Variants in RIOK1 observed in about 807,000 individuals in gnomAD.
The protein encoded by RIOK1 is serine/threonine-protein kinase RIO1.
Under a neutral mutation model 73.5 loss-of-function variants are expected in RIOK1, and 66 were observed. That is an observed-to-expected ratio of 0.90 (90% CI 0.74 to 1.10). The LOEUF (loss-of-function observed/expected upper bound fraction) is 1.10, where lower values mean the gene tolerates loss of function less well. RIOK1 is among the 50% of genes least tolerant of loss of function. The probability of loss-of-function intolerance (pLI) is 0.00; values close to 1 mark genes in which losing one functional copy is unlikely to be tolerated. For synonymous variants in RIOK1, 224 were observed against 226.8 expected (o/e 0.99, Z 0.11); for missense variants, 658 against 699.8 (o/e 0.94, Z 0.67).
chr6:7,400,401 C>G (rs1761581070), intron 5 of RIOK1, among the ~76,000 whole-genome samples: 2 of 152,144 alleles, frequency 1.3e-5, no homozygotes, highest in South Asian at 4.1e-4. Flanking sequence ...AGCTGCCTGT[C>G]CACGACGGTA....
chr6:7,412,588 G>C (rs761041766), intron 14 of RIOK1, among the ~76,000 whole-genome samples: 2 of 151,276 alleles, frequency 1.3e-5, no homozygotes, highest in Non-Finnish European at 2.9e-5. Flanking sequence ...GGTGGTGGAG[G>C]TTGCAGTGAG....
In RIOK1 at chr6:7,389,917, A is replaced by C; in HGVS notation, c.-86A>C. 1.9e-6 allele frequency: 2 copies of C among 1,055,956 alleles called. No homozygotes were observed. Among genetic ancestry groups the C allele is most frequent in the Non-Finnish European group, 1.4e-6 (1 of 724,392 alleles). 65.4% of individuals were successfully genotyped at this position (1,055,956 alleles called of 1,614,324 possible). A position where few individuals can be genotyped will look rare whatever the true frequency, so the allele number is the denominator to read the frequency against. On this transcript the variant is annotated 5_prime_UTR_variant, in exon 1 of 17. Transcript: ENST00000379834. ...GGTTTGCAAGGCGGATATCCACGCC[A>C]AGGCCTTTGGATCGGCCGTGGGTAC...
In RIOK1 at chr6:7,389,915, C is replaced by A; in HGVS notation, c.-88C>A. 9.6e-7 allele frequency: 1 copy of A among 1,046,580 alleles called. No homozygotes were observed. Among genetic ancestry groups the A allele is most frequent in the Non-Finnish European group, 1.4e-6 (1 of 716,904 alleles). The allele number at this position is 1,046,580 out of a possible 1,614,324, so 64.8% of individuals were successfully genotyped here. A position where few individuals can be genotyped will look rare whatever the true frequency, so the allele number is the denominator to read the frequency against. Reference sequence around the variant, plus strand: ...ATGGTTTGCAAGGCGGATATCCACGCCAAGGCCTTTGGATCGGCCGTGGGT... The same window carrying A: ...ATGGTTTGCAAGGCGGATATCCACGACAAGGCCTTTGGATCGGCCGTGGGT... On this transcript the variant is annotated 5_prime_UTR_variant, in exon 1 of 17. Transcript: ENST00000379834.
Position 7,402,605 on chromosome 6 carries a change from T to G in RIOK1, c.576T>G (p.Ala192=). The G allele has an allele frequency of 6.3e-7, 1 of 1,584,156 alleles. No individual in the cohort carries two copies. The highest frequency in any genetic ancestry group is 8.6e-7 in the Non-Finnish European group (1 of 1,169,232). Residue 192 remains alanine (A), a splice_region_variant and synonymous_variant, in exon 7 of 17, where the codon GCT becomes GCG. Coordinates refer to ENST00000379834, the MANE Select transcript of RIOK1 (RefSeq NM_031480.3). The part of the protein sequence containing the change: ...INGCISTGKE[A]NVYHASTANG... ...CTTTTTTTTTTGACTTAATATAGGC[T>G]AATGTATACCATGCTAGCACAGCAA...
Position 7,389,952 on chromosome 6 carries a change from AG to A in RIOK1, c.-50del. The A allele has an allele frequency of 6.9e-7, 1 of 1,453,598 alleles. No individual in the cohort carries two copies. The highest frequency in any genetic ancestry group is 1.2e-5 in the South Asian group (1 of 81,490). 90.0% of individuals were successfully genotyped at this position (1,453,598 alleles called of 1,614,324 possible). A position where few individuals can be genotyped will look rare whatever the true frequency, so the allele number is the denominator to read the frequency against. On this transcript the variant is annotated 5_prime_UTR_variant, in exon 1 of 17. Transcript: ENST00000379834. ...GATCGGCCGTGGGTACATCCGTCTG[AG>A]CCGTTCCTTTCCATCGCAGAGCGGC...
In RIOK1 at chr6:7,398,736, A is replaced by G. The variant is rs767861874; in HGVS notation, c.476A>G (p.Glu159Gly). 1.9e-6 allele frequency: 3 copies of G among 1,610,790 alleles called. No individual in the cohort carries two copies. The highest frequency in any genetic ancestry group is 2.5e-6 in the Non-Finnish European group (3 of 1,177,628). ...IKDKADRATV[E>G]QVLDPRTRMI... ...GATAAGGCAGACAGAGCAACTGTAG[A>G]ACAGGTACAATTTAAATGTGTTGCA... is the stretch of plus-strand genomic sequence containing the variant. Residue 159 changes from glutamate (E) to glycine (G), a missense_variant, in exon 5 of 17, where the codon GAA becomes GGA. By Grantham distance (98) the Glu-to-Gly change is moderately conservative (BLOSUM62 -2). Coordinates refer to ENST00000379834, the MANE Select transcript of RIOK1 (RefSeq NM_031480.3).
chr6:7,405,474 C>T (rs1008164582), intron 12 of RIOK1, 119 bp downstream of exon 12: 5 of 610,888 alleles, frequency 8.2e-6, no homozygotes, highest in Admixed American at 6.2e-5. Flanking sequence ...TTTGAAATAT[C>T]TGCCTTGTAC....
chr6:7,393,662 G>GT (rs1438972229), intron 2 of RIOK1, among the ~76,000 whole-genome samples: 23 of 152,320 alleles, frequency 1.5e-4, no homozygotes, highest in African/African-American at 4.3e-4. Context: ...TAGAGATGCC[G>GT]TTTTTTCACC....
At chr6:7,390,852 TTGG>T (rs1471345584) in intron 1 of RIOK1, among the ~76,000 whole-genome samples, 5 of 152,356 alleles carry the variant, frequency 3.3e-5, no homozygotes, top group Non-Finnish European at 7.3e-5. Context: ...CATTATTTGC[TTGG>T]TGATTTAAAG....
chr6:7,416,473 C>G (rs62386199), intron 16 of RIOK1, among the ~76,000 whole-genome samples: 1 of 152,016 alleles, frequency 6.6e-6, no homozygotes, highest in African/African-American at 2.4e-5. Flanking sequence ...ATGGTGAAAC[C>G]CTATCTCTAC....
chr6:7,393,065 T>C (rs773826449), intron 1 of RIOK1, 34 bp from the exon 2 acceptor site: 3 of 1,579,912 alleles, frequency 1.9e-6, no homozygotes, highest in African/African-American at 1.3e-5. Flanking sequence ...TGTGGAAATA[T>C]TGTTATGAAA....
At chr6:7,409,087 A>G (rs1295889190) in intron 12 of RIOK1, among the ~76,000 whole-genome samples, 8 of 151,838 alleles carry the variant, frequency 5.3e-5, no homozygotes, top group African/African-American at 1.9e-4. Flanking sequence ...GCAGTGTGCA[A>G]TTTCGGCTCA....
intron 7 of RIOK1, 45 bp from the exon 8 acceptor site, chr6:7,402,767 TTAAAA>T (rs764985761): frequency 6.2e-7 from 1 of 1,604,436 alleles, no homozygotes; most frequent in African/African-American, 1.3e-5. Context: ...TCCTAAAACA[TTAAAA>T]TAATAATGGA....
Position 7,417,562 on chromosome 6 carries a change from G to T in RIOK1, c.*121G>T. On this transcript the variant is annotated 3_prime_UTR_variant, in exon 17 of 17. Transcript: ENST00000379834. ...AGATTGTCATCGTGGCACTGTCTGT[G>T]AAGACGGATTCAAATGTTTTCATGT... The T allele has an allele frequency of 1.7e-6, 1 of 576,878 alleles. No individual in the cohort carries two copies. Among genetic ancestry groups the T allele is most frequent in the Non-Finnish European group, 3.0e-6 (1 of 332,684 alleles). 35.7% of individuals were successfully genotyped at this position (576,878 alleles called of 1,614,324 possible).
At chr6:7,398,232 G>T (rs1761524441) in intron 4 of RIOK1, among the ~76,000 whole-genome samples, 1 of 152,088 alleles carries the variant, frequency 6.6e-6, no homozygotes, top group Admixed American at 6.5e-5. Context: ...CTAACTCTAT[G>T]TGGAGGCTGG....
intron 12 of RIOK1, 91 bp from the exon 13 acceptor site, chr6:7,410,295 A>C: frequency 1.2e-6 from 1 of 864,380 alleles, no homozygotes; most frequent in South Asian, 1.4e-5. Flanking sequence ...ATACTTAAAA[A>C]GACTGGAACA....
intron 12 of RIOK1, among the ~76,000 whole-genome samples, chr6:7,408,088 G>A (rs1220840866): frequency 1.3e-5 from 2 of 152,204 alleles, no homozygotes; most frequent in African/African-American, 2.4e-5. Context: ...CCAGGCTGGA[G>A]TGCAATGGCA....
chr6:7,411,214 A>C, intron 13 of RIOK1, 118 bp from the exon 14 acceptor site: 1 of 1,096,676 alleles, frequency 9.1e-7, no homozygotes, highest in Non-Finnish European at 1.3e-6. Context: ...TTAGCCAAGC[A>C]TCAGTGTTAG....
Position 7,396,693 on chromosome 6 carries a change from T to C in RIOK1, c.368-10T>C, listed in dbSNP as rs1428739074. ...CATATTGTTTACATTGTGGGTTTCT[T>C]GTATTTTAGATAAGCTAAATGTTAC... On this transcript the variant is annotated splice_polypyrimidine_tract_variant and intron_variant, in intron 3 of 16. Coordinates refer to ENST00000379834, the MANE Select transcript of RIOK1 (RefSeq NM_031480.3). 1 of 1,571,778 alleles carries C rather than the reference T, an allele frequency of 6.4e-7. No individual in the cohort carries two copies. The highest frequency in any genetic ancestry group is 1.7e-5 in the Admixed American group (1 of 58,474).
Sources: gnomAD v4.1 joint callset for allele counts (sites outside exome capture counted in the v4.1 genomes callset) on GRCh38, gnomAD v4.1.1 for gene constraint, MANE v1.5 for transcripts, NCBI Gene and HGNC (gene_info 2026-07-23, HGNC 2026-07-21) for gene names.